Variants in EYA2 observed in about 807,000 individuals in gnomAD.
EYA2 encodes the protein protein phosphatase EYA2.
A neutral mutation model predicts 69.2 loss-of-function variants in EYA2; 31 were observed. That is an observed-to-expected ratio of 0.45 (90% CI 0.34 to 0.60). EYA2 has a LOEUF of 0.60. Among genes scored for constraint, EYA2 ranks in the 20% least tolerant of loss-of-function variants. The pLI is 0.02. For missense variants in EYA2, 622 were observed against 701.2 expected, an observed-to-expected ratio of 0.89 and a Z score of 1.28; for synonymous variants, 257 against 279.4, an observed-to-expected ratio of 0.92 and a Z score of 0.80.
At chr20:47,007,095 A>G (rs1013382544) in intron 4 of EYA2, among the ~76,000 whole-genome samples, 1 of 151,474 alleles carries the variant, frequency 6.6e-6, no homozygotes. Flanking sequence ...GCGCCCTGCT[A>G]ATTTTTTGTA....
chr20:47,181,038 G>A, intron 14 of EYA2, 102 bp downstream of exon 14: 1 of 1,478,728 alleles, frequency 6.8e-7, no homozygotes, highest in Non-Finnish European at 9.2e-7. Context: ...CCACAGAAAT[G>A]GATGGAGTGT....
chr20:47,095,278 T>C (rs2032215082), intron 8 of EYA2, among the ~76,000 whole-genome samples: 1 of 151,406 alleles, frequency 6.6e-6, no homozygotes, highest in Admixed American at 6.6e-5. Context: ...GTTTAAGAAA[T>C]CTCCCAGAAC....
chr20:47,061,454 C>T (rs776898973), intron 5 of EYA2, among the ~76,000 whole-genome samples: 19 of 152,034 alleles, frequency 1.2e-4, no homozygotes, highest in Admixed American at 3.3e-4. Context: ...TCGCTTGAGC[C>T]CAGGAAGTCA....
rs371120963 is a variant in EYA2 at position 47,063,820 on chromosome 20, C to T, written c.416-8365C>T. On this transcript the variant is annotated intron_variant, in intron 5 of 15. Transcript: ENST00000327619. Reference sequence around the variant, plus strand: ...CTGTAACCAGGACTCCTGAGCTGCTCCCACCACTCTGTGGGGTGTAATTTG... The same window carrying T: ...CTGTAACCAGGACTCCTGAGCTGCTTCCACCACTCTGTGGGGTGTAATTTG... Among the ~76,000 whole-genome samples the T allele has an allele frequency of 2.0e-5, 3 of 152,352 alleles. No homozygotes were observed. The South Asian group carries it at 6.2e-4, about 32-fold the overall frequency.
In EYA2 at chr20:47,109,018, G is replaced by C. The variant is rs541461838; in HGVS notation, c.888+11850G>C. On this transcript the variant is annotated intron_variant, in intron 9 of 15. Transcript: ENST00000327619. ...TACCGTTCTCTCCACCCAGGGAGTG[G>C]AGATGCAGGCGGGGAGGAGCACAGT... 4.2e-4 allele frequency among the ~76,000 whole-genome samples: 64 copies of C among 152,188 alleles called. 1 individual carries two copies. Among genetic ancestry groups the C allele is most frequent in the Middle Eastern group, 3.4e-3 (1 of 294 alleles).
chr20:47,026,723 G>C (rs977882053), intron 5 of EYA2, among the ~76,000 whole-genome samples: 16 of 152,168 alleles, frequency 1.1e-4, no homozygotes, highest in African/African-American at 3.9e-4. Context: ...TAGGGTTATA[G>C]GGAGTGGTGG....
At chr20:47,114,447 T>G (rs1050896421) in intron 9 of EYA2, among the ~76,000 whole-genome samples, 10 of 152,146 alleles carry the variant, frequency 6.6e-5, no homozygotes, top group Non-Finnish European at 1.3e-4. Context: ...AAACCCCGTC[T>G]CTACTAAAAA....
intron 1 of EYA2, among the ~76,000 whole-genome samples, chr20:46,969,508 C>A (rs766005704): frequency 6.6e-6 from 1 of 152,192 alleles, no homozygotes; most frequent in Non-Finnish European, 1.5e-5. Flanking sequence ...TTGTTTCTTT[C>A]ATTCTTCCCT....
At chr20:47,105,523 G>T (rs553503055) in intron 9 of EYA2, among the ~76,000 whole-genome samples, 1 of 151,816 alleles carries the variant, frequency 6.6e-6, no homozygotes, top group East Asian at 1.9e-4. Context: ...TACTCAGGAG[G>T]CTGAGACAGG....
intron 7 of EYA2, among the ~76,000 whole-genome samples, chr20:47,086,035 AAGAG>A (rs769043818): frequency 1.3e-5 from 2 of 152,260 alleles, no homozygotes; most frequent in African/African-American, 4.8e-5. Context: ...AACACATTAA[AAGAG>A]AGAAAGAAAA....
intron 12 of EYA2, among the ~76,000 whole-genome samples, chr20:47,176,000 G>T (rs1453164211): frequency 2.0e-5 from 3 of 151,878 alleles, no homozygotes; most frequent in African/African-American, 4.8e-5. Context: ...AAGAAACAAG[G>T]TCCCTGTTTT....
intron 4 of EYA2, 125 bp from the exon 5 acceptor site, chr20:47,016,056 C>A: frequency 1.4e-6 from 1 of 738,144 alleles, no homozygotes; most frequent in Non-Finnish European, 2.4e-6. Flanking sequence ...CACCAGTTTG[C>A]AACTCCTCAT....
chr20:47,082,472 T>C (rs947814594), intron 7 of EYA2, among the ~76,000 whole-genome samples: 7 of 152,098 alleles, frequency 4.6e-5, no homozygotes, highest in Non-Finnish European at 8.8e-5. Flanking sequence ...TTAAATGCCA[T>C]TTGAAATAGT....
At chr20:47,171,317 T>C (rs192761280) in intron 11 of EYA2, among the ~76,000 whole-genome samples, 151 of 152,348 alleles carry the variant, frequency 9.9e-4, no homozygotes, top group Middle Eastern at 3.4e-3. Context: ...TCTCCACTTA[T>C]TCATTCAAGA....
At chr20:47,171,197 G>T (rs1164280928) in intron 11 of EYA2, among the ~76,000 whole-genome samples, 1 of 152,226 alleles carries the variant, frequency 6.6e-6, no homozygotes, top group East Asian at 1.9e-4. Flanking sequence ...TAGCTAGCTG[G>T]CTTGGAATTG....
chr20:47,114,488 G>A (rs965096616), intron 9 of EYA2, among the ~76,000 whole-genome samples: 5 of 152,110 alleles, frequency 3.3e-5, no homozygotes, highest in African/African-American at 9.7e-5. Context: ...GGTGGTGTGC[G>A]CCTGTAATCC....
chr20:47,109,756 A>C (rs1251973689), intron 9 of EYA2, among the ~76,000 whole-genome samples: 4 of 152,228 alleles, frequency 2.6e-5, no homozygotes, highest in Non-Finnish European at 5.9e-5. Flanking sequence ...GTTTTTAACC[A>C]GAGGAAGTTT....
At chr20:46,993,411 C>T (rs1290473137) in intron 2 of EYA2, among the ~76,000 whole-genome samples, 2 of 152,204 alleles carry the variant, frequency 1.3e-5, no homozygotes, top group Admixed American at 1.3e-4. Context: ...TGATTCTGCC[C>T]TCCGAGCCTT....
chr20:46,981,981 A>T (rs150226333), intron 1 of EYA2, among the ~76,000 whole-genome samples: 80 of 152,312 alleles, frequency 5.3e-4, no homozygotes, highest in African/African-American at 1.9e-3. Flanking sequence ...ATATTATAGG[A>T]TACATTCTTG....
Sources: gnomAD v4.1 joint callset for allele counts (sites outside exome capture counted in the v4.1 genomes callset) on GRCh38, gnomAD v4.1.1 for gene constraint, MANE v1.5 for transcripts, NCBI Gene and HGNC (gene_info 2026-07-23, HGNC 2026-07-21) for gene names.